EPRS1: variants seen among roughly 807,000 people sequenced by gnomAD.
EPRS1 encodes glutamyl-prolyl-tRNA synthetase 1.
In EPRS1, 107 loss-of-function variants were observed where a neutral mutation model predicts 188.3. The ratio of observed to expected loss-of-function variants is 0.57; its 90% CI spans 0.49 to 0.67. EPRS1 has a LOEUF of 0.67. EPRS1 is among the 30% of genes least tolerant of loss of function. The pLI, the probability that EPRS1 is intolerant of heterozygous loss-of-function variation, is 0.00. For synonymous variants in EPRS1, 596 were observed against 593.1 expected (o/e 1.00, Z -0.07); for missense variants, 1,577 against 1,802.2 (o/e 0.88, Z 2.26).
intron 28 of EPRS1, among the ~76,000 whole-genome samples, chr1:219,978,175 C>T (rs1373492042): frequency 6.6e-6 from 1 of 152,124 alleles, no homozygotes; most frequent in Admixed American, 6.5e-5. Flanking sequence ...CTATAACAAA[C>T]ACAGCTAAGT....
At chr1:220,023,206 T>C (rs934215107) in intron 8 of EPRS1, among the ~76,000 whole-genome samples, 1 of 152,156 alleles carries the variant, frequency 6.6e-6, no homozygotes, top group Non-Finnish European at 1.5e-5. Flanking sequence ...TATCACAATA[T>C]CTAGCAAAAA....
chr1:220,046,345 A>T lies in EPRS1; in HGVS notation c.44T>A (p.Leu15Gln). The T allele has an allele frequency of 1.9e-6, 3 of 1,614,122 alleles. No homozygotes were observed. The highest frequency in any genetic ancestry group is 2.5e-6 in the Non-Finnish European group (3 of 1,180,024). Residue 15 changes from leucine (L) to glutamine (Q), a missense_variant and splice_region_variant, in exon 1 of 32, where the codon CTA (leucine) becomes CAA (glutamine). By Grantham distance (113) the Leu-to-Gln change is moderately radical. Around this residue, in one of 3 missense-constraint regions of EPRS1, gnomAD observed 1,278 missense variants for 1,457.4 expected, o/e 0.88. Coordinates refer to ENST00000366923, the MANE Select transcript of EPRS1 (RefSeq NM_004446.3). Reference protein sequence around the residue: ...SLTVNSGDPPLGALLAVEHVK... With the variant: ...SLTVNSGDPPQGALLAVEHVK... ...GGTCATTGGTCTCGGCCCCTTACCT[A>T]GCGGAGGGTCTCCTGAATTCACGGT...
At chr1:220,007,512 G>A (rs1661514678) in intron 13 of EPRS1, 174 bp from the exon 14 acceptor site, 2 of 560,400 alleles carry the variant, frequency 3.6e-6, no homozygotes, top group Admixed American at 7.1e-5. Flanking sequence ...CTCCATCTAT[G>A]TATTTTAACA....
chr1:219,979,655 C>T lies in EPRS1; in HGVS notation c.3712-40G>A, dbSNP rs781342186. 4.5e-6 allele frequency: 6 copies of T among 1,347,054 alleles called. No homozygotes were observed. In the Admixed American group the frequency reaches 5.3e-5, roughly 12 times the overall value. 83.4% of individuals were successfully genotyped at this position (1,347,054 alleles called of 1,614,324 possible). On this transcript the variant is annotated intron_variant, in intron 26 of 31. Transcript: ENST00000366923. ...GAAAAATAAGCTTCATTTTTAATAA[C>T]CTATTATGCCCTTGAAAATGATTAC...
intron 13 of EPRS1, among the ~76,000 whole-genome samples, chr1:220,009,118 A>T (rs1277488260): frequency 1.3e-5 from 2 of 152,230 alleles, no homozygotes; most frequent in East Asian, 3.8e-4. Flanking sequence ...GGCAGGTCAG[A>T]TACTACTACT....
intron 21 of EPRS1, among the ~76,000 whole-genome samples, 196 bp downstream of exon 21, chr1:219,984,010 T>C (rs1327846034): frequency 1.3e-5 from 2 of 152,080 alleles, no homozygotes; most frequent in Non-Finnish European, 2.9e-5. Flanking sequence ...CACTATCTCA[T>C]GGTACTGCTT....
rs1288535512 is a variant in EPRS1, at chr1:219,987,266, A to T, written c.2914T>A (p.Ser972Thr). 6.2e-7 allele frequency: 1 copy of T among 1,613,602 alleles called. No individual in the cohort carries two copies. The highest frequency in any genetic ancestry group is 1.7e-5 in the Admixed American group (1 of 59,944). ...TTCTGAGGCTTATTCTGCTTTTCAG[A>T]TTTATTTTCTTTTTCTTTCTTCTTC... ...DKKKKEKENK[S>T]EKQNKPQKQN... The change falls in exon 20 of 32, where the codon TCT (serine) becomes ACT (threonine). Residue 972 changes from serine to threonine, a missense_variant. Around this residue, in one of 3 missense-constraint regions of EPRS1, gnomAD observed 1,278 missense variants for 1,457.4 expected, o/e 0.88. Transcript: ENST00000366923.
At chr1:220,041,896 C>A (rs763085832) in intron 1 of EPRS1, among the ~76,000 whole-genome samples, 2 of 152,070 alleles carry the variant, frequency 1.3e-5, no homozygotes, top group Non-Finnish European at 2.9e-5. Flanking sequence ...CCATGTTCCA[C>A]TGGAAACAGG....
intron 12 of EPRS1, chr1:220,018,126 C>T (rs1343415951): frequency 7.5e-7 from 1 of 1,332,188 alleles, no homozygotes; most frequent in Non-Finnish European, 9.8e-7. Context: ...TAAGTAATAC[C>T]TTCTTACAGA....
chr1:219,983,658 C>T (rs762665946), intron 21 of EPRS1, among the ~76,000 whole-genome samples: 2 of 152,056 alleles, frequency 1.3e-5, no homozygotes, highest in African/African-American at 4.8e-5. Flanking sequence ...TTTGGGACGC[C>T]GAGGTGGGTG....
intron 28 of EPRS1, among the ~76,000 whole-genome samples, chr1:219,977,203 A>T (rs1660797231): frequency 6.6e-6 from 1 of 152,182 alleles, no homozygotes; most frequent in Non-Finnish European, 1.5e-5. Context: ...AGTATAACTA[A>T]TACCTTCACT....
Position 219,984,196 on chromosome 1 carries a change from G to A in EPRS1, c.3090+10C>T. On this transcript the variant is annotated intron_variant, in intron 21 of 31. Coordinates refer to ENST00000366923, the MANE Select transcript of EPRS1 (RefSeq NM_004446.3). ...CTTAAAACATAAAAATCAACTGAAT[G>A]CATACTCACCTGAGAATACCAATCA... The A allele has an allele frequency of 2.5e-6, 4 of 1,606,452 alleles. No homozygotes were observed. Among genetic ancestry groups the A allele is most frequent in the Non-Finnish European group, 3.4e-6 (4 of 1,173,280 alleles).
At chr1:219,977,077 G>A (rs751931913) in intron 28 of EPRS1, among the ~76,000 whole-genome samples, 6 of 152,002 alleles carry the variant, frequency 3.9e-5, no homozygotes, top group African/African-American at 7.2e-5. Flanking sequence ...CAAAATGCGC[G>A]TACACATCGC....
chr1:220,007,903 C>T (rs530218851), intron 13 of EPRS1, among the ~76,000 whole-genome samples: 64 of 152,226 alleles, frequency 4.2e-4, no homozygotes, highest in Non-Finnish European at 7.8e-4. Flanking sequence ...GTCAGGAGAT[C>T]GAGATCATCC....
chr1:220,019,833 A>G (rs549344041), intron 10 of EPRS1, among the ~76,000 whole-genome samples, 155 bp downstream of exon 10: 2 of 152,300 alleles, frequency 1.3e-5, no homozygotes, highest in African/African-American at 4.8e-5. Context: ...GGGAAGCCCT[A>G]ATGCACTGGC....
Position 220,018,572 on chromosome 1 carries a change from T to A in EPRS1, c.1435-64A>T, listed in dbSNP as rs562325637. On this transcript the variant is annotated intron_variant, in intron 11 of 31. Transcript: ENST00000366923. ...TATTAATTAGAACTTTGCCTTTATT[T>A]CATGCTAAGCATGTTTAGAAAAAAA... The A allele has an allele frequency of 6.5e-5, 64 of 987,038 alleles. No homozygotes were observed. In the East Asian group the frequency reaches 1.5e-3, roughly 24 times the overall value. The allele number at this position is 987,038 out of a possible 1,614,324, so 61.1% of individuals were successfully genotyped here. A position where few individuals can be genotyped will look rare whatever the true frequency, so the allele number is the denominator to read the frequency against.
chr1:220,017,250 T>A (rs775755586), intron 12 of EPRS1, among the ~76,000 whole-genome samples: 1 of 151,986 alleles, frequency 6.6e-6, no homozygotes, highest in African/African-American at 2.4e-5. Context: ...AAAAGAACTA[T>A]CTAGAAGAGA....
chr1:220,025,207 C>T lies in EPRS1; in HGVS notation c.675G>A (p.Gln225=). 1 of 1,612,480 alleles carries T rather than the reference C, an allele frequency of 6.2e-7. No individual in the cohort carries two copies. Among genetic ancestry groups the T allele is most frequent in the South Asian group, 1.1e-5 (1 of 90,946 alleles). Residue 225 remains glutamine, a synonymous_variant, in exon 7 of 32, where the codon CAG becomes CAA. Transcript: ENST00000366923. Reference sequence around the variant, plus strand: ...TGATCAGTTTCCCTTTAAAGTTAACCTGGTAGTGCTGGTTCAGAAGAGCAG... The same window carrying T: ...TGATCAGTTTCCCTTTAAAGTTAACTTGGTAGTGCTGGTTCAGAAGAGCAG... ...AKAALLNQHY[Q]VNFKGKLIMR... is the part of the protein sequence containing the mutation.
chr1:220,026,612 GT>G (rs1661977456), intron 6 of EPRS1, among the ~76,000 whole-genome samples: 1 of 151,722 alleles, frequency 6.6e-6, no homozygotes, highest in Non-Finnish European at 1.5e-5. Flanking sequence ...CTCACTGCAA[GT>G]TCTGCCTCTC....
Sources: gnomAD v4.1 joint callset for allele counts (sites outside exome capture counted in the v4.1 genomes callset) on GRCh38, gnomAD v4.1.1 for gene constraint, gnomAD v4.1.1 regional missense constraint, MANE v1.5 for transcripts, NCBI Gene and HGNC (gene_info 2026-07-23, HGNC 2026-07-21) for gene names.